Variants in RASAL3 observed in about 807,000 individuals in gnomAD.
RASAL3 encodes the protein RAS protein activator like-3.
RASAL3 carries 74 observed loss-of-function variants against 105.5 expected under a neutral mutation model. That is an observed-to-expected ratio of 0.70 (90% CI 0.58 to 0.85). The LOEUF (loss-of-function observed/expected upper bound fraction) is 0.85. RASAL3 is among the 40% of genes least tolerant of loss of function. RASAL3 has a pLI of 0.00. For missense variants in RASAL3, 1,352 were observed against 1,392.0 expected (o/e 0.97, Z 0.46); for synonymous variants, 579 against 591.6 (o/e 0.98, Z 0.31).
rs1238865951 is a variant in RASAL3 at position 15,458,640 on chromosome 19, C to T, written c.678G>A (p.Leu226=). The T allele has an allele frequency of 3.1e-6, 5 of 1,613,272 alleles. No individual in the cohort carries two copies. Among genetic ancestry groups the T allele is most frequent in the Admixed American group, 3.3e-5 (2 of 59,908 alleles). Residue 226 remains leucine, a synonymous_variant, in exon 7 of 18, where the codon CTG becomes CTA. Coordinates refer to ENST00000343625, the MANE Select transcript of RASAL3 (RefSeq NM_022904.3). ...GTGTGGCCAGCGACTCCCTAGAGCCCAGAGCACTGGGGGGTCTGGGAAGGG... is the reference window on the plus strand; with the variant it reads ...GTGTGGCCAGCGACTCCCTAGAGCCTAGAGCACTGGGGGGTCTGGGAAGGG... ...LEPRDGPPSA[L]GSRESLATLS... is the part of the protein sequence containing the mutation.
intron 16 of RASAL3, chr19:15,452,411 AG>A: frequency 1.8e-6 from 1 of 557,370 alleles, no homozygotes; most frequent in South Asian, 2.1e-5. Flanking sequence ...CCAGGTTGGG[AG>A]GGGCTGATGG....
chr19:15,452,343 G>A, intron 16 of RASAL3: 1 of 602,092 alleles, frequency 1.7e-6, no homozygotes, highest in South Asian at 1.9e-5. Context: ...GTCCTGGGTG[G>A]GGTCGTGACT....
In RASAL3 at chr19:15,464,250, C is replaced by G. The variant is rs1261492475; in HGVS notation, c.109G>C (p.Gly37Arg). Residue 37 changes from glycine to arginine, a missense_variant, in exon 2 of 18, where the codon GGG becomes CGG. Gly to Arg is a moderately radical substitution (Grantham distance 125, BLOSUM62 -2). This residue lies in a region of RASAL3 where 344 missense variants were observed against 339.6 expected (regional missense o/e 1.01). Transcript: ENST00000343625. ...CCAGCAAAGCGGCCCCAGCGGAACC[C>G]TCCAGCCGCCTTCTCCCCACCGCCC... ...TGGGGEKAAG[G>R]FRWGRFAGWG... is the part of the protein sequence containing the mutation. 6.2e-7 allele frequency: 1 copy of G among 1,608,800 alleles called. No homozygotes were observed. The highest frequency in any genetic ancestry group is 8.5e-7 in the Non-Finnish European group (1 of 1,178,102).
At chr19:15,461,161 C>A in intron 4 of RASAL3, 40 bp from the exon 5 acceptor site, 1 of 1,613,510 alleles carries the variant, frequency 6.2e-7, no homozygotes, top group Non-Finnish European at 8.5e-7. Flanking sequence ...GGGTTGGATT[C>A]TGCCCCACTT....
chr19:15,458,329 T>G lies in RASAL3; in HGVS notation c.887A>C (p.Gln296Pro). The change falls in exon 8 of 18, where the codon CAG becomes CCG. Residue 296 changes from glutamine to proline, a missense_variant and splice_region_variant. Gln to Pro is a moderately conservative substitution (Grantham distance 76, BLOSUM62 -1). Coordinates refer to ENST00000343625, the MANE Select transcript of RASAL3 (RefSeq NM_022904.3). ...EDLRRQFQPT[Q>P]DNVEREETWL... The stretch of plus-strand genomic sequence containing the variant: ...TCCCGCTTTTCTGAGGGCAATGACC[T>G]GGGTGGGCTGGAATTGGCGACGAAG... The G allele has an allele frequency of 1.2e-6, 2 of 1,613,270 alleles. No individual in the cohort carries two copies. The highest frequency in any genetic ancestry group is 1.7e-6 in the Non-Finnish European group (2 of 1,179,592).
Position 15,453,271 on chromosome 19 carries a change from G to T in RASAL3, c.2506C>A (p.Pro836Thr), listed in dbSNP as rs777051699. The change falls in exon 15 of 18, where the codon CCG becomes ACG. Residue 836 changes from proline to threonine, a missense_variant. Physicochemically the swap from Pro to Thr is conservative, Grantham distance 38 (BLOSUM62 -1). Transcript: ENST00000343625. The surrounding 1 kb of genome is among the most constrained non-coding windows in gnomAD (Gnocchi z 4.2). ...ATGCTCAGGGAGCCTTTGGGTCGCG[G>T]CCAGGGCCCCGCAGATTGGCGGCGG... ...ARRRQSAGPWPRPKGSLSMGP... is the reference protein window; with the variant it reads ...ARRRQSAGPWTRPKGSLSMGP... 9.7e-6 allele frequency: 15 copies of T among 1,553,516 alleles called. No individual in the cohort carries two copies. Among genetic ancestry groups the T allele is most frequent in the Non-Finnish European group, 1.3e-5 (15 of 1,152,664 alleles).
intron 11 of RASAL3, 45 bp from the exon 12 acceptor site, chr19:15,454,938 G>T: frequency 7.0e-7 from 1 of 1,426,788 alleles, no homozygotes; most frequent in Non-Finnish European, 9.4e-7. Flanking sequence ...GAGGCTATGG[G>T]CATAAAGGTT....
At chr19:15,459,728 G>T (rs935879509) in intron 6 of RASAL3, among the ~76,000 whole-genome samples, 1 of 151,992 alleles carries the variant, frequency 6.6e-6, no homozygotes, top group Non-Finnish European at 1.5e-5. Context: ...GTAGAAATGG[G>T]GTCTCACTAT....
Position 15,456,098 on chromosome 19 carries a change from T to A in RASAL3, c.1721+6A>T. 1 of 1,612,140 alleles carries A rather than the reference T, an allele frequency of 6.2e-7. No individual in the cohort carries two copies. Among genetic ancestry groups the A allele is most frequent in the Non-Finnish European group, 8.5e-7 (1 of 1,178,494 alleles). ...TGGGCTAAGCTGCTGGGGCCCTGAT[T>A]CTCACTCGTAGGAATGGATAATGGT... On this transcript the variant is annotated splice_donor_region_variant and intron_variant, in intron 11 of 17. Coordinates refer to ENST00000343625, the MANE Select transcript of RASAL3 (RefSeq NM_022904.3). The surrounding 1 kb of genome is among the most constrained non-coding windows in gnomAD (Gnocchi z 4.4).
chr19:15,454,376 A>C lies in RASAL3; in HGVS notation c.2145T>G (p.Phe715Leu), dbSNP rs769380690. Residue 715 changes from phenylalanine (F) to leucine (L), a missense_variant, in exon 13 of 18, where the codon TTT (phenylalanine) becomes TTG (leucine). Physicochemically the swap from Phe to Leu is conservative, Grantham distance 22. Around this residue, in one of 3 missense-constraint regions of RASAL3, gnomAD observed 920 missense variants for 919.6 expected, o/e 1.00. Transcript: ENST00000343625. ...AVLHAQLCTI[F>L]AELDQTTRDT... ...CAGGCCATACCTGGTCAAGCTCAGC[A>C]AAAATTGTACAGAGCTGGGCATGCA... 1.9e-6 allele frequency: 3 copies of C among 1,612,522 alleles called. No individual in the cohort carries two copies. In the South Asian group the frequency reaches 3.3e-5, roughly 18 times the overall value.
chr19:15,463,061 A>G (rs1599754251), intron 2 of RASAL3, among the ~76,000 whole-genome samples: 1 of 150,250 alleles, frequency 6.7e-6, no homozygotes, highest in East Asian at 1.9e-4. Context: ...ACTTAGCACC[A>G]TCTGTCATTT....
At position 15,456,895 on chromosome 19, in the gene RASAL3, G is replaced by C. The variant is rs1970339256; in HGVS notation, c.1432-249C>G. 2 of 558,980 alleles carry C rather than the reference G, an allele frequency of 3.6e-6. No homozygotes were observed. The highest frequency in any genetic ancestry group is 4.4e-5 in the South Asian group (2 of 45,958). 34.6% of individuals were successfully genotyped at this position (558,980 alleles called of 1,614,324 possible). ...CACGCGTGATGCTCAGGCCCCTGTCGCAGCTGAAGCTTAGGCTCCGCTCTT... is the reference window on the plus strand; with the variant it reads ...CACGCGTGATGCTCAGGCCCCTGTCCCAGCTGAAGCTTAGGCTCCGCTCTT... On this transcript the variant is annotated intron_variant, in intron 9 of 17. Coordinates refer to ENST00000343625, the MANE Select transcript of RASAL3 (RefSeq NM_022904.3). This position sits in a 1 kb window ranked among gnomAD's most constrained non-coding sequence, Gnocchi z 4.4.
chr19:15,459,577 G>T (rs1970445281), intron 6 of RASAL3, among the ~76,000 whole-genome samples: 1 of 151,972 alleles, frequency 6.6e-6, no homozygotes, highest in African/African-American at 2.4e-5. Context: ...TTGCTCTGTT[G>T]CCCAGGCTGG....
At position 15,454,455 on chromosome 19, in the gene RASAL3, G is replaced by A; in HGVS notation, c.2066C>T (p.Ala689Val). 6.2e-7 allele frequency: 1 copy of A among 1,613,982 alleles called. No individual in the cohort carries two copies. The highest frequency in any genetic ancestry group is 1.1e-5 in the South Asian group (1 of 91,088). Residue 689 changes from alanine (A) to valine (V), a missense_variant, in exon 13 of 18, where the codon GCT (alanine) becomes GTT (valine). Physicochemically the swap from Ala to Val is moderately conservative, Grantham distance 64 (BLOSUM62 0). Transcript: ENST00000343625. ...ACTGCCCTGGTAACCACTGGGGGCAGCATCCACATCCACCATGGCTACCTG... is the reference window on the plus strand; with the variant it reads ...ACTGCCCTGGTAACCACTGGGGGCAACATCCACATCCACCATGGCTACCTG... ...LDQVAMVDVD[A>V]APSGYQGSGD... is the part of the protein sequence containing the mutation.
rs747145692 is a variant in RASAL3 at position 15,453,465 on chromosome 19, G to T, written c.2312C>A (p.Ala771Asp). Residue 771 changes from alanine (A) to aspartate (D), a missense_variant, in exon 15 of 18, where the codon GCC (alanine) becomes GAC (aspartate). Physicochemically the swap from Ala to Asp is moderately radical, Grantham distance 126. Coordinates refer to ENST00000343625, the MANE Select transcript of RASAL3 (RefSeq NM_022904.3). The surrounding 1 kb of genome is among the most constrained non-coding windows in gnomAD (Gnocchi z 4.2). The stretch of plus-strand genomic sequence containing the variant: ...GGTGTGCTTGGGGAGGTCCCGGGGG[G>T]CCAGGAAGCCGGGCTTCTCCCCTGC... ...LSAGEKPGFL[A>D]PRDLPKHTPL... 6.5e-7 allele frequency: 1 copy of T among 1,541,536 alleles called. No homozygotes were observed. Among genetic ancestry groups the T allele is most frequent in the Admixed American group, 2.3e-5 (1 of 44,408 alleles).
chr19:15,452,783 C>A lies in RASAL3; in HGVS notation c.2703G>T (p.Leu901=). ...GGGACAGCACTTTCTGCTCCTCACG[C>A]AGAGCGGCCACCTCGCACTGCAGCT... ...LAELQCEVAA[L]REEQKVLSRL... is the part of the protein sequence containing the mutation. The change falls in exon 16 of 18, where the codon CTG becomes CTT. Residue 901 remains leucine (L), a synonymous_variant. Transcript: ENST00000343625. 6.4e-7 allele frequency: 1 copy of A among 1,564,238 alleles called. No homozygotes were observed. The highest frequency in any genetic ancestry group is 8.7e-7 in the Non-Finnish European group (1 of 1,153,946).
Position 15,458,527 on chromosome 19 carries a change from A to G in RASAL3, c.789+2T>C. ...GAATCGAGGTGGACTGTCTACACTT[A>G]CCTGAAAGCAGTGGGGCTCCCCCAG... On this transcript the variant is annotated splice_donor_variant, in intron 7 of 17. Coordinates refer to ENST00000343625, the MANE Select transcript of RASAL3 (RefSeq NM_022904.3). LOFTEE classifies it high-confidence loss of function. 6.2e-7 allele frequency: 1 copy of G among 1,613,856 alleles called. No homozygotes were observed. Among genetic ancestry groups the G allele is most frequent in the Non-Finnish European group, 8.5e-7 (1 of 1,179,802 alleles).
chr19:15,457,382 G>A lies in RASAL3; in HGVS notation c.1341C>T (p.Cys447=), dbSNP rs1486220145. Residue 447 remains cysteine, a synonymous_variant, in exon 9 of 18, where the codon TGC becomes TGT. Coordinates refer to ENST00000343625, the MANE Select transcript of RASAL3 (RefSeq NM_022904.3). The surrounding 1 kb of genome is among the most constrained non-coding windows in gnomAD (Gnocchi z 8.6). Reference sequence around the variant, plus strand: ...CAGGCAGCGCGGGCTCCAGGGCCCCGCAGAGGCGCGCATAGTGGAAGGTGA... The same window carrying A: ...CAGGCAGCGCGGGCTCCAGGGCCCCACAGAGGCGCGCATAGTGGAAGGTGA... The part of the protein sequence containing the change: ...EFLTFHYARL[C]GALEPALPAQ... The A allele has an allele frequency of 9.7e-6, 14 of 1,443,114 alleles. No individual in the cohort carries two copies. The highest frequency in any genetic ancestry group is 1.3e-5 in the Non-Finnish European group (14 of 1,103,724). 89.4% of individuals were successfully genotyped at this position (1,443,114 alleles called of 1,614,324 possible).
intron 6 of RASAL3, among the ~76,000 whole-genome samples, chr19:15,459,956 A>C (rs1191961571): frequency 6.6e-6 from 1 of 152,134 alleles, no homozygotes; most frequent in Non-Finnish European, 1.5e-5. Flanking sequence ...TCTCAGCTCA[A>C]GGGTACCTTC....
Sources: allele counts gnomAD v4.1 joint callset (sites outside exome capture counted in the v4.1 genomes callset), GRCh38; gene constraint gnomAD v4.1.1; regional missense constraint gnomAD v4.1.1; non-coding constraint Gnocchi (gnomAD v3.1); transcripts MANE v1.5; gene names NCBI Gene and HGNC (gene_info 2026-07-23, HGNC 2026-07-21).